The following ADAMTS14 variants were observed in gnomAD, a reference collection of about 807,000 sequenced individuals.
ADAMTS14 encodes ADAM metallopeptidase with thrombospondin type 1 motif 14.
In ADAMTS14, 100 loss-of-function variants were observed where a neutral mutation model predicts 128.6. The observed-to-expected ratio is 0.78, with a 90% confidence interval of 0.66 to 0.92. The LOEUF is 0.92. Ranked by LOEUF, ADAMTS14 falls within the 40% of genes least tolerant of loss-of-function variation. ADAMTS14 has a pLI of 0.00. For synonymous variants in ADAMTS14, 665 were observed against 653.8 expected, an observed-to-expected ratio of 1.02 and a Z score of -0.26; for missense variants, 1,562 against 1,658.6, an observed-to-expected ratio of 0.94 and a Z score of 1.01.
Position 70,743,700 on chromosome 10 carries a change from AC to A in ADAMTS14, c.2058+23del. 1 of 1,549,090 alleles carries A rather than the reference AC, an allele frequency of 6.5e-7. No individual in the cohort carries two copies. Among genetic ancestry groups the A allele is most frequent in the East Asian group, 2.3e-5 (1 of 42,874 alleles). On this transcript the variant is annotated intron_variant, in intron 13 of 21. Coordinates refer to ENST00000373207, the MANE Select transcript of ADAMTS14 (RefSeq NM_080722.4). ...GTGTGTGGTGGGTGCACCCCCAGCCACCCCGACTACCGGCACAGGGAGACTG... is the reference window on the plus strand; with the variant it reads ...GTGTGTGGTGGGTGCACCCCCAGCCACCCGACTACCGGCACAGGGAGACTG...
intron 10 of ADAMTS14, among the ~76,000 whole-genome samples, 191 bp downstream of exon 10, chr10:70,736,984 CCT>C (rs1841848462): frequency 6.6e-6 from 1 of 152,106 alleles, no homozygotes; most frequent in Non-Finnish European, 1.5e-5. Flanking sequence ...ATAAACTCAC[CCT>C]GTCTTCTCTC....
chr10:70,723,185 C>T (rs1249133630), intron 4 of ADAMTS14, among the ~76,000 whole-genome samples: 1 of 152,132 alleles, frequency 6.6e-6, no homozygotes, highest in Admixed American at 6.5e-5. Context: ...AATTGAAGGA[C>T]ACAAAATACC....
At chr10:70,681,349 A>G (rs867844357) in intron 2 of ADAMTS14, among the ~76,000 whole-genome samples, 1 of 152,170 alleles carries the variant, frequency 6.6e-6, no homozygotes, top group African/African-American at 2.4e-5. Context: ...AATTGTAGTC[A>G]TTCTGTAGGG....
chr10:70,758,694 T>C (rs1020258346), intron 21 of ADAMTS14, among the ~76,000 whole-genome samples: 20 of 152,190 alleles, frequency 1.3e-4, no homozygotes, highest in African/African-American at 4.6e-4. Flanking sequence ...GGTTCCAATA[T>C]TTTCAGACAA....
chr10:70,680,821 T>C lies in ADAMTS14; in HGVS notation c.522+5826T>C, dbSNP rs949950844. ...CATGCCCAGCTGATTTTTGTATTTTTAGTAGAGTCAGAGTTTCACCATGTT... is the reference window on the plus strand; with the variant it reads ...CATGCCCAGCTGATTTTTGTATTTTCAGTAGAGTCAGAGTTTCACCATGTT... On this transcript the variant is annotated intron_variant, in intron 2 of 21. Transcript: ENST00000373207. 2.6e-5 allele frequency among the ~76,000 whole-genome samples: 4 copies of C among 152,212 alleles called. No homozygotes were observed. The East Asian group carries it at 5.8e-4, about 22-fold the overall frequency.
At chr10:70,693,983 C>T (rs1277519557) in intron 2 of ADAMTS14, among the ~76,000 whole-genome samples, 1 of 152,234 alleles carries the variant, frequency 6.6e-6, no homozygotes, top group East Asian at 1.9e-4. Context: ...TCAGCCCCAT[C>T]CTCCAAGAGC....
chr10:70,724,721 T>C (rs2132655537), intron 4 of ADAMTS14, among the ~76,000 whole-genome samples: 1 of 151,976 alleles, frequency 6.6e-6, no homozygotes, highest in African/African-American at 2.4e-5. Context: ...TGTGTGCAGA[T>C]GAGCGTACCA....
intron 14 of ADAMTS14, among the ~76,000 whole-genome samples, chr10:70,744,583 T>C (rs2587477): frequency 1 from 151,601 of 152,346 alleles, 75,430 homozygotes; most frequent in East Asian, 1. Context: ...TTTAAACCTG[T>C]GGCACTTTCT....
chr10:70,690,844 C>G (rs576386637), intron 2 of ADAMTS14, among the ~76,000 whole-genome samples: 12 of 145,248 alleles, frequency 8.3e-5, no homozygotes, highest in African/African-American at 2.9e-4. Flanking sequence ...GCAGCCACAC[C>G]GCCTGCTGGC....
chr10:70,699,412 T>A (rs1840429825), intron 2 of ADAMTS14, among the ~76,000 whole-genome samples: 1 of 152,146 alleles, frequency 6.6e-6, no homozygotes, highest in Admixed American at 6.5e-5. Flanking sequence ...TAGGGAAGTG[T>A]GTTCATGCTG....
At chr10:70,725,218 A>G (rs144939695) in intron 4 of ADAMTS14, among the ~76,000 whole-genome samples, 283 of 152,252 alleles carry the variant, frequency 1.9e-3, no homozygotes, top group Non-Finnish European at 3.1e-3. Flanking sequence ...AAGGGAGCAG[A>G]CATGCTCAGT....
At chr10:70,758,487 T>G (rs899742754) in intron 21 of ADAMTS14, among the ~76,000 whole-genome samples, 19 of 152,178 alleles carry the variant, frequency 1.2e-4, no homozygotes, top group African/African-American at 4.1e-4. Flanking sequence ...CCAAAATGTT[T>G]ATTTCTAAGT....
chr10:70,732,499 G>A (rs1365510932), intron 7 of ADAMTS14, 140 bp downstream of exon 7: 10 of 718,582 alleles, frequency 1.4e-5, no homozygotes, highest in South Asian at 1.8e-5. Context: ...CTGCCACTGC[G>A]GCATGGCCTC....
At chr10:70,677,959 C>T (rs1376855664) in intron 2 of ADAMTS14, among the ~76,000 whole-genome samples, 1 of 152,192 alleles carries the variant, frequency 6.6e-6, no homozygotes, top group African/African-American at 2.4e-5. Context: ...ATCTCAAATG[C>T]CAAAGTCATT....
At chr10:70,683,654 A>G (rs1259351942) in intron 2 of ADAMTS14, among the ~76,000 whole-genome samples, 1 of 152,222 alleles carries the variant, frequency 6.6e-6, no homozygotes, top group African/African-American at 2.4e-5. Flanking sequence ...CTTGGAACTG[A>G]AAACAACATT....
At chr10:70,732,445 C>T (rs1196944598) in intron 7 of ADAMTS14, 86 bp downstream of exon 7, 9 of 1,286,702 alleles carry the variant, frequency 7.0e-6, no homozygotes, top group Non-Finnish European at 8.7e-6. Context: ...ATTTGCCCAG[C>T]TTGGCCTGGT....
intron 15 of ADAMTS14, among the ~76,000 whole-genome samples, chr10:70,748,680 T>C (rs557621971): frequency 2.6e-5 from 4 of 152,050 alleles, no homozygotes; most frequent in Non-Finnish European, 5.9e-5. Context: ...CCTTAGGATG[T>C]ATTTAAGGAT....
rs774188465 is a variant in ADAMTS14, at chr10:70,735,204, C to T, written c.1388C>T (p.Pro463Leu). 13 of 1,613,464 alleles carry T rather than the reference C, an allele frequency of 8.1e-6. No individual in the cohort carries two copies. Among genetic ancestry groups the T allele is most frequent in the South Asian group, 1.1e-5 (1 of 90,846 alleles). Reference protein sequence around the residue: ...YDCLLDDPFDPAWPQPPELPG... With the variant: ...YDCLLDDPFDLAWPQPPELPG... ...TGCCTCCTCGATGACCCCTTTGATC[C>T]TGCCTGGCCCCAGCCCCCAGAGCTG... is the stretch of plus-strand genomic sequence containing the variant. Residue 463 changes from proline (P) to leucine (L), a missense_variant, in exon 9 of 22, where the codon CCT (proline) becomes CTT (leucine). Physicochemically the swap from Pro to Leu is moderately conservative, Grantham distance 98. Coordinates refer to ENST00000373207, the MANE Select transcript of ADAMTS14 (RefSeq NM_080722.4).
At chr10:70,702,252 G>A in intron 2 of ADAMTS14, 60 bp from the exon 3 acceptor site, 1 of 1,609,886 alleles carries the variant, frequency 6.2e-7, no homozygotes, top group Non-Finnish European at 8.5e-7. Flanking sequence ...CCTGTCGGCT[G>A]TACTGTGTGT....
Sources: gnomAD v4.1 joint callset for allele counts (sites outside exome capture counted in the v4.1 genomes callset) on GRCh38, gnomAD v4.1.1 for gene constraint, MANE v1.5 for transcripts, NCBI Gene and HGNC (gene_info 2026-07-23, HGNC 2026-07-21) for gene names.